Variants in CDKAL1 observed in about 807,000 individuals in gnomAD.
CDKAL1 encodes threonylcarbamoyladenosine tRNA methylthiotransferase.
A neutral mutation model predicts 68.2 loss-of-function variants in CDKAL1; 32 were observed. The observed-to-expected ratio is 0.47, with a 90% CI of 0.35 to 0.63. The LOEUF (loss-of-function observed/expected upper bound fraction) is 0.63, where lower values mean the gene tolerates loss of function less well. CDKAL1 is among the 30% of genes least tolerant of loss of function. The probability of loss-of-function intolerance (pLI) is 0.00; values close to 1 mark genes in which losing one functional copy is unlikely to be tolerated. For synonymous variants in CDKAL1, 234 were observed against 244.3 expected, an observed-to-expected ratio of 0.96 and a Z score of 0.39; for missense variants, 606 against 696.7, an observed-to-expected ratio of 0.87 and a Z score of 1.47.
chr6:21,054,989 T>C (rs929893907), intron 11 of CDKAL1, among the ~76,000 whole-genome samples: 1 of 152,142 alleles, frequency 6.6e-6, no homozygotes, highest in African/African-American at 2.4e-5. Flanking sequence ...TCCAGTAATA[T>C]GTTGAATTGA....
chr6:21,177,401 A>T (rs13219193), intron 13 of CDKAL1, among the ~76,000 whole-genome samples: 1 of 152,334 alleles, frequency 6.6e-6, no homozygotes, highest in Non-Finnish European at 1.5e-5. Context: ...TGTATCTGTT[A>T]TCAAATACAT....
rs1320461031 is a variant in CDKAL1 at position 21,097,953 on chromosome 6, T to G, written c.1237-10448T>G. Among the ~76,000 whole-genome samples, 3 of 152,266 alleles carry G rather than the reference T, an allele frequency of 2.0e-5. No individual in the cohort carries two copies. In the East Asian group the frequency reaches 5.8e-4, roughly 29 times the overall value. ...ACCAAATGTCAATATTCAGAATTTT[T>G]GGAATTAATTCAACAAACATTTATG... On this transcript the variant is annotated intron_variant, in intron 12 of 15. Coordinates refer to ENST00000274695, the MANE Select transcript of CDKAL1 (RefSeq NM_017774.3).
intron 4 of CDKAL1, among the ~76,000 whole-genome samples, chr6:20,634,977 C>CAAAAAAA (rs142659533): frequency 4.0e-5 from 4 of 99,826 alleles, no homozygotes; most frequent in Non-Finnish European, 6.0e-5. Context: ...AACCCCGTCT[C>CAAAAAAA]AAAAAAAAAA....
At chr6:20,810,412 A>T (rs1776755336) in intron 8 of CDKAL1, among the ~76,000 whole-genome samples, 1 of 137,108 alleles carries the variant, frequency 7.3e-6, no homozygotes, top group African/African-American at 3.0e-5. Context: ...ACACACACAC[A>T]CACACACACA....
intron 12 of CDKAL1, among the ~76,000 whole-genome samples, chr6:21,068,903 C>G (rs1485750961): frequency 6.6e-6 from 1 of 152,060 alleles, no homozygotes; most frequent in Non-Finnish European, 1.5e-5. Context: ...TTATAATTCT[C>G]TGTATATGTC....
chr6:21,069,490 G>A (rs1475194006), intron 12 of CDKAL1, among the ~76,000 whole-genome samples: 1 of 151,952 alleles, frequency 6.6e-6, no homozygotes, highest in African/African-American at 2.4e-5. Flanking sequence ...TTGCATTCCT[G>A]TAATAAGCTT....
intron 5 of CDKAL1, among the ~76,000 whole-genome samples, chr6:20,691,280 C>T (rs1359650852): frequency 6.7e-6 from 1 of 149,480 alleles, no homozygotes; most frequent in African/African-American, 2.4e-5. Context: ...CTGGGCATCT[C>T]TGGGCCGGCA....
intron 13 of CDKAL1, among the ~76,000 whole-genome samples, chr6:21,170,834 G>A (rs528411150): frequency 2.0e-5 from 3 of 152,276 alleles, no homozygotes; most frequent in African/African-American, 2.4e-5. Context: ...ACTGCTTTTA[G>A]TTGGTACTGT....
chr6:20,740,819 G>C (rs1248405109), intron 6 of CDKAL1, among the ~76,000 whole-genome samples: 3 of 152,034 alleles, frequency 2.0e-5, no homozygotes, highest in South Asian at 2.1e-4. Context: ...TTCACCATTT[G>C]TCTGTTTACA....
intron 5 of CDKAL1, among the ~76,000 whole-genome samples, chr6:20,709,460 A>G (rs1322634549): frequency 6.6e-6 from 1 of 152,126 alleles, no homozygotes; most frequent in Non-Finnish European, 1.5e-5. Flanking sequence ...CAAAAAAAAA[A>G]TTTGAAGTCT....
Position 21,176,682 on chromosome 6 carries a change from G to GTTT in CDKAL1, c.1300-21328_1300-21326dup, listed in dbSNP as rs777506511. On this transcript the variant is annotated intron_variant, in intron 13 of 15. Transcript: ENST00000274695. Reference sequence around the variant, plus strand: ...GAATGTCTTCATGGGCTGGATGTTGGTTTTTTTTTTTTTGTTTTTTTTTTT... The same window carrying GTTT: ...GAATGTCTTCATGGGCTGGATGTTGGTTTTTTTTTTTTTTTTGTTTTTTTTTTT... Among the ~76,000 whole-genome samples, 339 of 119,802 alleles carry GTTT rather than the reference G, an allele frequency of 2.8e-3. 25 individuals are homozygous for GTTT. Among genetic ancestry groups the GTTT allele is most frequent in the African/African-American group, 4.3e-3 (129 of 30,178 alleles). The allele number at this position is 119,802 out of a possible 152,430, so 78.6% of individuals were successfully genotyped here.
At chr6:21,168,231 C>G (rs1777229444) in intron 13 of CDKAL1, among the ~76,000 whole-genome samples, 1 of 152,148 alleles carries the variant, frequency 6.6e-6, no homozygotes, top group Non-Finnish European at 1.5e-5. Context: ...ACCGTTGTGC[C>G]CAGCCTTCTG....
At chr6:20,725,392 A>G (rs906318163) in intron 5 of CDKAL1, among the ~76,000 whole-genome samples, 8 of 152,248 alleles carry the variant, frequency 5.3e-5, no homozygotes, top group Non-Finnish European at 7.3e-5. Context: ...CAGATGCTGC[A>G]TGCTGTGCAA....
chr6:21,198,381 C>G lies in CDKAL1; in HGVS notation c.1383+277C>G, dbSNP rs79290577. On this transcript the variant is annotated intron_variant, in intron 14 of 15. Transcript: ENST00000274695. ...TGGGCGTTTGGAACCAGGCAATTAG[C>G]ACTGCCAGAATTCCCACACCCTGGC... 8.2e-3 allele frequency among the ~76,000 whole-genome samples: 1,256 copies of G among 152,272 alleles called. 16 individuals carry two copies. The highest frequency in any genetic ancestry group is 0.028 in the African/African-American group (1,159 of 41,554).
intron 7 of CDKAL1, among the ~76,000 whole-genome samples, chr6:20,760,612 C>T (rs1774420000): frequency 6.6e-6 from 1 of 152,306 alleles, no homozygotes; most frequent in East Asian, 1.9e-4. Flanking sequence ...AAAGCCTGTA[C>T]ATTATACTGT....
At chr6:21,027,538 A>G (rs1429837837) in intron 11 of CDKAL1, among the ~76,000 whole-genome samples, 2 of 152,200 alleles carry the variant, frequency 1.3e-5, no homozygotes, top group Admixed American at 1.3e-4. Context: ...GAGAGATTTA[A>G]GTGATCACCT....
At chr6:20,705,483 C>A (rs185822508) in intron 5 of CDKAL1, among the ~76,000 whole-genome samples, 29 of 152,262 alleles carry the variant, frequency 1.9e-4, no homozygotes, top group African/African-American at 7.0e-4. Flanking sequence ...AGAGTACAGG[C>A]TTTTGACACT....
Position 20,613,820 on chromosome 6 carries a change from A to C in CDKAL1, c.287-35473A>C, listed in dbSNP as rs541606051. Among the ~76,000 whole-genome samples the C allele has an allele frequency of 2.6e-5, 4 of 152,180 alleles. No homozygotes were observed. In the South Asian group the frequency reaches 6.2e-4, roughly 24 times the overall value. ...ATATGCATAAATATATTTTTAGACT[A>C]TCTGGAAGTGTAATTACTGGGTTAA... On this transcript the variant is annotated intron_variant, in intron 4 of 15. Transcript: ENST00000274695.
intron 8 of CDKAL1, among the ~76,000 whole-genome samples, chr6:20,832,957 A>C (rs192068645): frequency 6.6e-6 from 1 of 152,114 alleles, no homozygotes; most frequent in Non-Finnish European, 1.5e-5. Flanking sequence ...CTCAATCTCT[A>C]AAAGAAAAGG....
Sources: allele counts gnomAD v4.1 joint callset (sites outside exome capture counted in the v4.1 genomes callset), GRCh38; gene constraint gnomAD v4.1.1; transcripts MANE v1.5; gene names NCBI Gene and HGNC (gene_info 2026-07-23, HGNC 2026-07-21).